ATP8A2: variants seen among roughly 807,000 people sequenced by gnomAD.
ATP8A2 encodes the protein ATPase phospholipid transporting 8A2, also known as phospholipid-transporting ATPase IB.
In ATP8A2, 100 loss-of-function variants were observed where a neutral mutation model predicts 165.6. The observed-to-expected ratio is 0.60, with a 90% CI of 0.51 to 0.71. The LOEUF is 0.71. Among genes scored for constraint, ATP8A2 ranks in the 30% least tolerant of loss-of-function variants. The pLI is 0.00. For missense variants in ATP8A2, 1,227 were observed against 1,479.5 expected (o/e 0.83, Z 2.80); for synonymous variants, 543 against 548.8 (o/e 0.99, Z 0.15).
At chr13:25,467,013 C>G (rs1264304470) in intron 1 of ATP8A2, among the ~76,000 whole-genome samples, 1 of 152,220 alleles carries the variant, frequency 6.6e-6, no homozygotes, top group Non-Finnish European at 1.5e-5. Context: ...ACCTGGCCTT[C>G]CCTGATTGAA....
chr13:25,445,682 C>A (rs139672161), intron 1 of ATP8A2, among the ~76,000 whole-genome samples: 1 of 152,076 alleles, frequency 6.6e-6, no homozygotes, highest in African/African-American at 2.4e-5. Flanking sequence ...GACTCATTGG[C>A]GTCAAATAAT....
At chr13:25,956,883 A>G (rs988046998) in intron 33 of ATP8A2, among the ~76,000 whole-genome samples, 1 of 152,260 alleles carries the variant, frequency 6.6e-6, no homozygotes, top group Non-Finnish European at 1.5e-5. Flanking sequence ...TTACAAGGCT[A>G]CAGTAACCAA....
chr13:25,542,222 C>T lies in ATP8A2; in HGVS notation c.779+176C>T, dbSNP rs542849539. ...AAGAAAAAAACCCTGAGCCCAAGGG[C>T]CTCAGATGAGGCTCAAAGCATGTGG... On this transcript the variant is annotated intron_variant, in intron 9 of 36. Transcript: ENST00000381655. Among the ~76,000 whole-genome samples the T allele has an allele frequency of 2.6e-5, 4 of 152,250 alleles. No individual in the cohort carries two copies. The East Asian group carries it at 5.8e-4, about 22-fold the overall frequency.
intron 35 of ATP8A2, among the ~76,000 whole-genome samples, chr13:25,980,319 T>C (rs1956149595): frequency 6.6e-6 from 1 of 152,184 alleles, no homozygotes; most frequent in South Asian, 2.1e-4. Context: ...CTCAGTCTCC[T>C]TCAGTTCACA....
intron 1 of ATP8A2, among the ~76,000 whole-genome samples, chr13:25,383,380 G>A (rs113235296): frequency 0.019 from 2,908 of 152,324 alleles, 104 homozygotes; most frequent in African/African-American, 0.067. Context: ...TGGGATTACA[G>A]GCGTGTGCCT....
At chr13:25,731,195 GAGAGAGAA>G (rs1279877414) in intron 25 of ATP8A2, among the ~76,000 whole-genome samples, 17 of 108,876 alleles carry the variant, frequency 1.6e-4, no homozygotes, top group South Asian at 5.0e-4. Context: ...AGACCGGAAG[GAGAGAGAA>G]AGAGAGAAAG....
chr13:25,519,137 A>G (rs1053157796), intron 2 of ATP8A2, among the ~76,000 whole-genome samples: 2 of 151,998 alleles, frequency 1.3e-5, no homozygotes, highest in African/African-American at 4.8e-5. Context: ...GCGTTTCTGC[A>G]CTCGCTGTCC....
intron 33 of ATP8A2, among the ~76,000 whole-genome samples, chr13:25,924,935 A>C (rs1002173021): frequency 6.6e-6 from 1 of 152,164 alleles, no homozygotes; most frequent in Admixed American, 6.5e-5. Context: ...GCCTTCTGCC[A>C]TGATTGTGAG....
chr13:25,717,168 C>G (rs887915312), intron 25 of ATP8A2, among the ~76,000 whole-genome samples: 1 of 152,106 alleles, frequency 6.6e-6, no homozygotes, highest in Non-Finnish European at 1.5e-5. Context: ...TTCGTTCATT[C>G]ATTCATCAGA....
rs116940313 is a variant in ATP8A2, at chr13:25,590,438, T to C, written c.2211+739T>C. 1.6e-3 allele frequency among the ~76,000 whole-genome samples: 239 copies of C among 152,210 alleles called. 1 individual carries two copies. The highest frequency in any genetic ancestry group is 2.7e-3 in the Non-Finnish European group (183 of 68,004). ...AGACTCTGTCTTGAAATAATAATAA[T>C]ACATTCGTATAGTAATAGGATACAT... On this transcript the variant is annotated intron_variant, in intron 24 of 36. Coordinates refer to ENST00000381655, the MANE Select transcript of ATP8A2 (RefSeq NM_016529.6).
chr13:25,972,948 A>G (rs990488754), intron 35 of ATP8A2, among the ~76,000 whole-genome samples: 2 of 152,160 alleles, frequency 1.3e-5, no homozygotes, highest in Non-Finnish European at 2.9e-5. Context: ...GGGGGAATAT[A>G]TTTGTTGAAA....
At chr13:25,987,077 TA>T (rs1362696690) in intron 35 of ATP8A2, among the ~76,000 whole-genome samples, 1 of 152,230 alleles carries the variant, frequency 6.6e-6, no homozygotes, top group Admixed American at 6.5e-5. Flanking sequence ...GCTCATTCTT[TA>T]AAAAACTCAT....
intron 3 of ATP8A2, 118 bp from the exon 4 acceptor site, chr13:25,530,444 G>A (rs963966590): frequency 3.6e-5 from 24 of 670,860 alleles, no homozygotes; most frequent in Non-Finnish European, 6.3e-5. Flanking sequence ...TTATTTTTGA[G>A]TAACAGAAAT....
At chr13:26,016,906 T>C (rs1254709214) in intron 36 of ATP8A2, among the ~76,000 whole-genome samples, 1 of 152,142 alleles carries the variant, frequency 6.6e-6, no homozygotes, top group Non-Finnish European at 1.5e-5. Flanking sequence ...CCAGGCCATT[T>C]AATTTACAGA....
rs898494087 is a variant in ATP8A2, at chr13:25,644,936, G to A, written c.2212-54237G>A. On this transcript the variant is annotated intron_variant, in intron 24 of 36. Transcript: ENST00000381655. ...TTGCTGATTTTATTTATTTTGAGTC[G>A]TATTTTGGGTTATCTCTCTAGTCTA... Among the ~76,000 whole-genome samples the A allele has an allele frequency of 5.9e-5, 9 of 151,924 alleles. No individual in the cohort carries two copies. The East Asian group carries it at 1.2e-3, about 20-fold the overall frequency.
At chr13:25,385,513 A>C (rs2033008909) in intron 1 of ATP8A2, among the ~76,000 whole-genome samples, 1 of 152,228 alleles carries the variant, frequency 6.6e-6, no homozygotes, top group African/African-American at 2.4e-5. Context: ...TTCATATAAA[A>C]TTAATAATTA....
At chr13:25,689,595 G>C (rs1593199953) in intron 24 of ATP8A2, among the ~76,000 whole-genome samples, 1 of 152,298 alleles carries the variant, frequency 6.6e-6, no homozygotes, top group East Asian at 1.9e-4. Flanking sequence ...AGTTGAAAAT[G>C]TTAATCCCCA....
Position 25,895,770 on chromosome 13 carries a change from A to G in ATP8A2, c.3183+33362A>G, listed in dbSNP as rs527586394. Among the ~76,000 whole-genome samples the G allele has an allele frequency of 4.6e-5, 7 of 152,298 alleles. No individual in the cohort carries two copies. The South Asian group carries it at 1.2e-3, about 27-fold the overall frequency. ...TCCTGGTTTAGTCTTGGGAGAGGGTATGTATCGAGGAATTTATCCATTTCT... is the reference window on the plus strand; with the variant it reads ...TCCTGGTTTAGTCTTGGGAGAGGGTGTGTATCGAGGAATTTATCCATTTCT... On this transcript the variant is annotated intron_variant, in intron 33 of 36. Transcript: ENST00000381655.
Position 25,891,809 on chromosome 13 carries a change from A to C in ATP8A2, c.3183+29401A>C, listed in dbSNP as rs562246187. On this transcript the variant is annotated intron_variant, in intron 33 of 36. Coordinates refer to ENST00000381655, the MANE Select transcript of ATP8A2 (RefSeq NM_016529.6). Reference sequence around the variant, plus strand: ...AACTGTCCCACTTTGGGTAAAGGACAAAAAGCAGGCCAAACAAGATTTTCT... The same window carrying C: ...AACTGTCCCACTTTGGGTAAAGGACCAAAAGCAGGCCAAACAAGATTTTCT... Among the ~76,000 whole-genome samples the C allele has an allele frequency of 5.9e-5, 9 of 152,310 alleles. No individual in the cohort carries two copies. The South Asian group carries it at 1.7e-3, about 28-fold the overall frequency.
Sources: allele counts gnomAD v4.1 joint callset (sites outside exome capture counted in the v4.1 genomes callset), GRCh38; gene constraint gnomAD v4.1.1; transcripts MANE v1.5; gene names NCBI Gene and HGNC (gene_info 2026-07-23, HGNC 2026-07-21).